Variants in SCN3A observed in about 807,000 individuals in gnomAD.
SCN3A encodes sodium voltage-gated channel alpha subunit 3.
A neutral mutation model predicts 187.6 loss-of-function variants in SCN3A; 60 were observed. The ratio of observed to expected loss-of-function variants is 0.32; its 90% CI spans 0.26 to 0.40. SCN3A has a LOEUF of 0.40. SCN3A is among the 10% of genes least tolerant of loss of function. SCN3A has a pLI of 1.00. For synonymous variants in SCN3A, 788 were observed against 829.2 expected (o/e 0.95, Z 0.85); for missense variants, 1,601 against 2,428.2 (o/e 0.66, Z 7.16).
At position 165,088,713 on chromosome 2, in the gene SCN3A, C is replaced by T. The variant is rs1201703638; in HGVS notation, c.*1437G>A. 6.6e-6 allele frequency: 1 copy of T among 152,412 alleles called. No homozygotes were observed. The highest frequency in any genetic ancestry group is 2.4e-5 in the African/African-American group (1 of 41,418). 9.4% of individuals were successfully genotyped at this position (152,412 alleles called of 1,614,324 possible). On this transcript the variant is annotated 3_prime_UTR_variant, in exon 28 of 28. Coordinates refer to ENST00000283254, the MANE Select transcript of SCN3A (RefSeq NM_006922.4). ...TAAAATAAATTGTGATGTCATCAAC[C>T]TGAAAATAATTTTCTTATGTACAAA...
intron 21 of SCN3A, 21 bp downstream of exon 21, chr2:165,112,864 A>C: frequency 1.2e-6 from 2 of 1,606,296 alleles, no homozygotes; most frequent in Non-Finnish European, 1.7e-6. Flanking sequence ...CAATTTTATA[A>C]AAATCACTTA....
intron 1 of SCN3A, among the ~76,000 whole-genome samples, chr2:165,203,302 T>C (rs1315076876): frequency 1.3e-5 from 2 of 152,030 alleles, no homozygotes; most frequent in Non-Finnish European, 2.9e-5. Flanking sequence ...CTTTTCTCTA[T>C]GAAAACAGAT....
At chr2:165,194,008 A>C (rs967456976) in intron 1 of SCN3A, among the ~76,000 whole-genome samples, 2 of 152,118 alleles carry the variant, frequency 1.3e-5, no homozygotes, top group Admixed American at 1.3e-4. Flanking sequence ...CACAGTTATA[A>C]TGTTACACAG....
chr2:165,172,819 A>G (rs1028649425), intron 3 of SCN3A, among the ~76,000 whole-genome samples: 1 of 152,196 alleles, frequency 6.6e-6, no homozygotes, highest in Non-Finnish European at 1.5e-5. Context: ...AAAACAGAGC[A>G]GGCCTTAAGA....
chr2:165,183,626 A>G (rs1051630647), intron 2 of SCN3A, among the ~76,000 whole-genome samples: 1 of 152,184 alleles, frequency 6.6e-6, no homozygotes, highest in African/African-American at 2.4e-5. Context: ...GTCATGGCCT[A>G]TGGGTTCTCA....
chr2:165,170,241 A>G (rs1294431682), intron 4 of SCN3A, among the ~76,000 whole-genome samples, 189 bp downstream of exon 4: 1 of 151,864 alleles, frequency 6.6e-6, no homozygotes, highest in Non-Finnish European at 1.5e-5. Flanking sequence ...ATTTTCTTCT[A>G]TAATGCTGTA....
At chr2:165,153,456 A>G (rs1425623550) in intron 11 of SCN3A, among the ~76,000 whole-genome samples, 2 of 152,158 alleles carry the variant, frequency 1.3e-5, no homozygotes, top group African/African-American at 2.4e-5. Context: ...TGCACTTTAA[A>G]TATTTGAGAA....
rs539138047 is a variant in SCN3A, at chr2:165,189,509, G to A, written c.-247-2762C>T. 1.2e-4 allele frequency among the ~76,000 whole-genome samples: 18 copies of A among 152,236 alleles called. No homozygotes were observed. The South Asian group carries it at 3.5e-3, about 30-fold the overall frequency. On this transcript the variant is annotated intron_variant, in intron 1 of 27. Transcript: ENST00000283254. ...AGAAATTCTTTGGTTTTCAAATAAG[G>A]AAGTGATAGCTCAAACAGCATGATA...
chr2:165,113,491 C>T (rs573424579), intron 20 of SCN3A, among the ~76,000 whole-genome samples: 2 of 152,010 alleles, frequency 1.3e-5, no homozygotes, highest in African/African-American at 2.4e-5. Flanking sequence ...ACTTTTAGTC[C>T]ATAAATGTTA....
At chr2:165,150,971 A>G (rs1688653854) in intron 11 of SCN3A, among the ~76,000 whole-genome samples, 1 of 152,166 alleles carries the variant, frequency 6.6e-6, no homozygotes, top group Non-Finnish European at 1.5e-5. Flanking sequence ...TTATGGTGAC[A>G]TAGAATAAAA....
intron 4 of SCN3A, 123 bp from the exon 5 acceptor site, chr2:165,168,948 A>G (rs1574285021): frequency 1.5e-6 from 1 of 684,740 alleles, no homozygotes; most frequent in Admixed American, 2.6e-5. Flanking sequence ...TTTTAAAACA[A>G]TGATAAAATA....
In SCN3A at chr2:165,113,822, A is replaced by G. The variant is rs1396545487; in HGVS notation, c.3663T>C (p.Gly1221=). The G allele has an allele frequency of 6.2e-7, 1 of 1,613,804 alleles. No homozygotes were observed. Among genetic ancestry groups the G allele is most frequent in the Non-Finnish European group, 8.5e-7 (1 of 1,179,858 alleles). Residue 1221 remains glycine, a synonymous_variant, in exon 20 of 28, where the codon GGT becomes GGC. Transcript: ENST00000283254. ...FIVFMILLSS[G]ALAFEDIYIE... ...CAATATGCATTTCACTTACCAATGC[A>G]CCACTACTGAGAAGGATCATGAACA...
At position 165,128,531 on chromosome 2, in the gene SCN3A, A is replaced by G. The variant is rs577808266; in HGVS notation, c.2923-430T>C. 3.9e-5 allele frequency among the ~76,000 whole-genome samples: 6 copies of G among 152,338 alleles called. No homozygotes were observed. In the East Asian group the frequency reaches 1.2e-3, roughly 29 times the overall value. ...AGGGAATTTCTAGCTTCGTGTATATAAAGAATGAACTTATTTATTTAATAG... is the reference window on the plus strand; with the variant it reads ...AGGGAATTTCTAGCTTCGTGTATATGAAGAATGAACTTATTTATTTAATAG... On this transcript the variant is annotated intron_variant, in intron 17 of 27. Coordinates refer to ENST00000283254, the MANE Select transcript of SCN3A (RefSeq NM_006922.4).
chr2:165,129,834 C>T (rs1574164184), intron 17 of SCN3A, 106 bp downstream of exon 17: 1 of 1,407,868 alleles, frequency 7.1e-7, no homozygotes, highest in Non-Finnish European at 1.0e-6. Context: ...GGATTTCAGT[C>T]TAGGCCACTT....
At position 165,162,342 on chromosome 2, in the gene SCN3A, C is replaced by A. The variant is rs1689455424; in HGVS notation, c.997G>T (p.Asp333Tyr). 1 of 1,613,238 alleles carries A rather than the reference C, an allele frequency of 6.2e-7. No homozygotes were observed. The highest frequency in any genetic ancestry group is 8.5e-7 in the Non-Finnish European group (1 of 1,179,772). Residue 333 changes from aspartate to tyrosine, a missense_variant, in exon 9 of 28, where the codon GAC (aspartate) becomes TAC (tyrosine). By Grantham distance (160) the Asp-to-Tyr change is radical. Around this residue, in one of 11 missense-constraint regions of SCN3A, gnomAD observed 104 missense variants for 102.7 expected, o/e 1.01. Coordinates refer to ENST00000283254, the MANE Select transcript of SCN3A (RefSeq NM_006922.4). ...GAGCCATTTCCACAGAGTAAAGGGT[C>A]TTTTTGCCCATCCAAAACATAAAAG... ...SHFYVLDGQK[D>Y]PLLCGNGSDA...
In SCN3A at chr2:165,147,034, C is replaced by G; in HGVS notation, c.1381-5G>C. 1 of 1,613,868 alleles carries G rather than the reference C, an allele frequency of 6.2e-7. No homozygotes were observed. The highest frequency in any genetic ancestry group is 8.5e-7 in the Non-Finnish European group (1 of 1,179,900). On this transcript the variant is annotated splice_region_variant and splice_polypyrimidine_tract_variant and intron_variant, in intron 11 of 27. Coordinates refer to ENST00000283254, the MANE Select transcript of SCN3A (RefSeq NM_006922.4). ...AGCTGATGCTGCCGCAACTGCCTGT[C>G]ATAAAACAAAGCCAGGCACTATTTA...
intron 18 of SCN3A, among the ~76,000 whole-genome samples, chr2:165,123,607 G>A (rs1201944936): frequency 6.6e-6 from 1 of 152,126 alleles, no homozygotes; most frequent in Non-Finnish European, 1.5e-5. Flanking sequence ...GCAAAGTAGA[G>A]TTCAATGTTC....
intron 12 of SCN3A, among the ~76,000 whole-genome samples, chr2:165,142,639 C>A (rs2028363): frequency 0.2 from 29,968 of 152,046 alleles, 2,999 homozygotes; most frequent in East Asian, 0.27. Context: ...AATTCATCCC[C>A]CCATTAATAA....
intron 7 of SCN3A, 103 bp downstream of exon 7, chr2:165,163,515 G>T: frequency 1.5e-6 from 2 of 1,315,904 alleles, no homozygotes; most frequent in Admixed American, 2.0e-5. Context: ...TATTTAACGG[G>T]ATGAACTGTA....
Sources: gnomAD v4.1 joint callset for allele counts (sites outside exome capture counted in the v4.1 genomes callset) on GRCh38, gnomAD v4.1.1 for gene constraint, gnomAD v4.1.1 regional missense constraint, MANE v1.5 for transcripts, NCBI Gene and HGNC (gene_info 2026-07-23, HGNC 2026-07-21) for gene names.